Variants in ZNF667 observed in about 807,000 individuals in gnomAD.
ZNF667 encodes the protein myocardial ischemic preconditioning upregulated 1 ortholog.
A neutral mutation model predicts 31.8 loss-of-function variants in ZNF667; 13 were observed. That is an observed-to-expected ratio of 0.41 (90% confidence interval 0.27 to 0.65). The LOEUF (loss-of-function observed/expected upper bound fraction) is 0.65, where lower values mean the gene tolerates loss of function less well. Ranked by LOEUF, ZNF667 falls within the 30% of genes least tolerant of loss-of-function variation. ZNF667 has a pLI of 0.32. For missense variants in ZNF667, 642 were observed against 725.6 expected (o/e 0.88, Z 1.32); for synonymous variants, 228 against 247.1 (o/e 0.92, Z 0.73).
chr19:56,455,871 T>G (rs73623117), intron 6 of ZNF667, among the ~76,000 whole-genome samples: 2,217 of 152,294 alleles, frequency 0.015, 48 homozygotes, highest in African/African-American at 0.048. Context: ...AAATATCCTA[T>G]GTGCCCTGTA....
At position 56,460,125 on chromosome 19, in the gene ZNF667, C is replaced by T. The variant is rs181162464; in HGVS notation, c.160+564G>A. Reference sequence around the variant, plus strand: ...TCCACACAAAAAATTTGTATATGTTCATAGCAGCATATCAAAATAACAAGA... The same window carrying T: ...TCCACACAAAAAATTTGTATATGTTTATAGCAGCATATCAAAATAACAAGA... On this transcript the variant is annotated intron_variant, in intron 5 of 6. Transcript: ENST00000504904. Among the ~76,000 whole-genome samples the T allele has an allele frequency of 4.4e-3, 667 of 152,224 alleles. 1 individual carries two copies. The highest frequency in any genetic ancestry group is 6.0e-3 in the Non-Finnish European group (410 of 68,016).
At position 56,442,717 on chromosome 19, in the gene ZNF667, T is replaced by C. The variant is rs767860025; in HGVS notation, c.278A>G (p.Lys93Arg). The change falls in exon 7 of 7, where the codon AAG becomes AGG. Residue 93 changes from lysine to arginine, a missense_variant. By Grantham distance (26) the Lys-to-Arg change is conservative (BLOSUM62 2). Transcript: ENST00000504904. ...GTTGCATTGATTTGGAGGTAACTTC[T>C]TGGTCTCACATTTAGACCCCGAGTC... ...APDSGSKCET[K>R]KLPPNQCNKS... is the part of the protein sequence containing the mutation. 1.0e-5 allele frequency: 16 copies of C among 1,595,254 alleles called. No homozygotes were observed. Among genetic ancestry groups the C allele is most frequent in the Non-Finnish European group, 1.4e-5 (16 of 1,173,448 alleles).
chr19:56,463,532 T>C (rs367549893), intron 3 of ZNF667, among the ~76,000 whole-genome samples: 1 of 150,990 alleles, frequency 6.6e-6, no homozygotes, highest in South Asian at 2.1e-4. Context: ...TTTTCTTCCC[T>C]TTTTTTTTCT....
At chr19:56,444,563 C>A (rs924482558) in intron 6 of ZNF667, among the ~76,000 whole-genome samples, 2 of 144,862 alleles carry the variant, frequency 1.4e-5, no homozygotes, top group African/African-American at 5.2e-5. Context: ...TCCCACCAGA[C>A]CCCACCTCCA....
At chr19:56,462,914 T>G (rs1055040917) in intron 3 of ZNF667, among the ~76,000 whole-genome samples, 10 of 152,130 alleles carry the variant, frequency 6.6e-5, no homozygotes, top group African/African-American at 2.4e-4. Context: ...AAGGTGTCTC[T>G]GAGGAGGTCA....
rs2042591299 is a variant in ZNF667, at chr19:56,441,152, T to A, written c.*10A>T. The A allele has an allele frequency of 1.3e-6, 2 of 1,585,626 alleles. No individual in the cohort carries two copies. Among genetic ancestry groups the A allele is most frequent in the East Asian group, 4.5e-5 (2 of 44,458 alleles). On this transcript the variant is annotated 3_prime_UTR_variant, in exon 7 of 7. Coordinates refer to ENST00000504904, the MANE Select transcript of ZNF667 (RefSeq NM_001321356.2). The surrounding 1 kb of genome is among the most constrained non-coding windows in gnomAD (Gnocchi z 4.2). ...GCCTCATTCGTTGATTTTATAGATT[T>A]AAAACAACCTTAGGCTTTTTCTTCA...
At chr19:56,463,491 G>A (rs923888387) in intron 3 of ZNF667, among the ~76,000 whole-genome samples, 1 of 152,074 alleles carries the variant, frequency 6.6e-6, no homozygotes, top group African/African-American at 2.4e-5. Context: ...ACTGAGCACG[G>A]GAAATAAAAC....
chr19:56,458,249 T>C lies in ZNF667; in HGVS notation c.161-2A>G. The stretch of plus-strand genomic sequence containing the variant: ...CATTTGGTCTCCGAAAGGAAAGACC[T>C]GTACGTGGGACAAACATGGGAAATG... On this transcript the variant is annotated splice_acceptor_variant, in intron 5 of 6. Coordinates refer to ENST00000504904, the MANE Select transcript of ZNF667 (RefSeq NM_001321356.2). LOFTEE classifies it high-confidence loss of function. 1 of 1,613,524 alleles carries C rather than the reference T, an allele frequency of 6.2e-7. No individual in the cohort carries two copies. The highest frequency in any genetic ancestry group is 8.5e-7 in the Non-Finnish European group (1 of 1,179,516).
intron 6 of ZNF667, among the ~76,000 whole-genome samples, chr19:56,456,764 G>T (rs1318761660): frequency 1.3e-5 from 2 of 152,032 alleles, no homozygotes; most frequent in Non-Finnish European, 2.9e-5. Flanking sequence ...TTATAATAAC[G>T]ATGAAATCCA....
intron 6 of ZNF667, chr19:56,449,534 T>C: frequency 3.5e-6 from 1 of 288,590 alleles, no homozygotes; most frequent in Non-Finnish European, 7.0e-6. Context: ...AAAAAAAAAT[T>C]AGCTGGGCAT....
chr19:56,477,168 C>G (rs1049939720), intron 1 of ZNF667, 104 bp downstream of exon 1: 1 of 152,280 alleles, frequency 6.6e-6, no homozygotes, highest in Non-Finnish European at 1.5e-5. Flanking sequence ...CCCACGCCAT[C>G]GTGGATGCGC....
intron 2 of ZNF667, among the ~76,000 whole-genome samples, chr19:56,473,362 C>T (rs909503970): frequency 3.9e-5 from 6 of 152,070 alleles, no homozygotes; most frequent in African/African-American, 1.2e-4. Flanking sequence ...ATACGTAACA[C>T]ATTTAGAGTG....
intron 6 of ZNF667, among the ~76,000 whole-genome samples, chr19:56,452,934 C>T (rs1481768024): frequency 6.7e-6 from 1 of 150,290 alleles, no homozygotes; most frequent in Non-Finnish European, 1.5e-5. Flanking sequence ...AAAAAAAATG[C>T]CACAAAAGAT....
At chr19:56,462,874 G>A (rs2043076671) in intron 3 of ZNF667, among the ~76,000 whole-genome samples, 1 of 152,156 alleles carries the variant, frequency 6.6e-6, no homozygotes. Flanking sequence ...ACAGGCCAGG[G>A]CAGGGGTTAG....
chr19:56,441,481 C>T lies in ZNF667; in HGVS notation c.1514G>A (p.Gly505Glu). The change falls in exon 7 of 7, where the codon GGG becomes GAG. Residue 505 changes from glycine to glutamate, a missense_variant. Coordinates refer to ENST00000504904, the MANE Select transcript of ZNF667 (RefSeq NM_001321356.2). This position sits in a 1 kb window ranked among gnomAD's most constrained non-coding sequence, Gnocchi z 4.2. ...EDRPYECDQC[G>E]KAFSQSAHLA... ...GTGTGCACTCTGGCTGAAGGCCTTC[C>T]CACACTGATCACATTCATAGGGTCT... The T allele has an allele frequency of 6.2e-7, 1 of 1,614,128 alleles. No homozygotes were observed. The highest frequency in any genetic ancestry group is 8.5e-7 in the Non-Finnish European group (1 of 1,180,030).
chr19:56,451,885 A>AC (rs1271594185), intron 6 of ZNF667, among the ~76,000 whole-genome samples: 1 of 144,652 alleles, frequency 6.9e-6, no homozygotes, highest in African/African-American at 2.8e-5. Context: ...AAAAAAAAAA[A>AC]AAAAAAAAAA....
chr19:56,449,069 T>C (rs188782347), intron 6 of ZNF667, among the ~76,000 whole-genome samples: 6 of 152,322 alleles, frequency 3.9e-5, no homozygotes, highest in African/African-American at 9.6e-5. Context: ...GCAGTACTTC[T>C]GTGAGTCTAC....
intron 6 of ZNF667, among the ~76,000 whole-genome samples, chr19:56,448,577 AG>A (rs2042753770): frequency 1.3e-5 from 2 of 151,916 alleles, no homozygotes; most frequent in Admixed American, 1.3e-4. Context: ...GGCAGCTCCA[AG>A]GGGAGAGGGA....
Position 56,442,248 on chromosome 19 carries a change from A to T in ZNF667, c.747T>A (p.Val249=), listed in dbSNP as rs1423960970. The change falls in exon 7 of 7, where the codon GTT becomes GTA. Residue 249 remains valine, a synonymous_variant. Transcript: ENST00000504904. ...SFNIHQKIHV[V]GNVCQCRKCG... is the part of the protein sequence containing the mutation. ...ACTTTCTGCACTGGCAGACATTCCC[A>T]ACAACATGAATTTTCTGATGTATAT... 6.2e-7 allele frequency: 1 copy of T among 1,614,126 alleles called. No homozygotes were observed. Among genetic ancestry groups the T allele is most frequent in the South Asian group, 1.1e-5 (1 of 91,080 alleles).
Sources: gnomAD v4.1 joint callset for allele counts (sites outside exome capture counted in the v4.1 genomes callset) on GRCh38, gnomAD v4.1.1 for gene constraint, Gnocchi (gnomAD v3.1) non-coding constraint, MANE v1.5 for transcripts, NCBI Gene and HGNC (gene_info 2026-07-23, HGNC 2026-07-21) for gene names.